The following CLEC2D variants were observed in gnomAD, a reference collection of about 807,000 sequenced individuals.
CLEC2D encodes C-type lectin related f.
CLEC2D carries 16 observed loss-of-function variants against 20.0 expected under a neutral mutation model. The observed-to-expected ratio is 0.80, with a 90% CI of 0.54 to 1.22. The LOEUF (loss-of-function observed/expected upper bound fraction) is 1.22, where lower values mean the gene tolerates loss of function less well. Ranked by LOEUF, CLEC2D falls within the 50% of genes most tolerant of loss-of-function variation. The pLI is 0.00. For synonymous variants in CLEC2D, 77 were observed against 71.1 expected (o/e 1.08, Z -0.42); for missense variants, 207 against 221.5 (o/e 0.93, Z 0.42).
intron 1 of CLEC2D, chr12:9,680,146 A>C (rs1443263534): frequency 4.9e-6 from 1 of 202,898 alleles, no homozygotes; most frequent in Admixed American, 4.8e-5. Context: ...GTGAGTTTTC[A>C]TGATATCTGA....
chr12:9,695,216 AG>A lies in CLEC2D; in HGVS notation c.*347del. On this transcript the variant is annotated 3_prime_UTR_variant, in exon 5 of 5. Transcript: ENST00000290855. ...AGTCATGTCTTATGTGGTGGCAGGC[AG>A]GGGGACTTGTGCACAGGAACTCCTA... 1.6e-6 allele frequency: 1 copy of A among 606,820 alleles called. No homozygotes were observed. Among genetic ancestry groups the A allele is most frequent in the Non-Finnish European group, 2.9e-6 (1 of 339,902 alleles). The allele number at this position is 606,820 out of a possible 1,614,324, so 37.6% of individuals were successfully genotyped here.
intron 1 of CLEC2D, among the ~76,000 whole-genome samples, chr12:9,678,683 A>G (rs1472476109): frequency 6.6e-6 from 1 of 152,072 alleles, no homozygotes; most frequent in Admixed American, 6.6e-5. Context: ...TATTACGGGC[A>G]TGTGCCACAA....
chr12:9,681,863 ATACTT>A (rs1193998029), intron 2 of CLEC2D, among the ~76,000 whole-genome samples: 3 of 152,230 alleles, frequency 2.0e-5, no homozygotes, highest in Non-Finnish European at 4.4e-5. Flanking sequence ...CACAGATAAT[ATACTT>A]TATACATTTA....
At chr12:9,670,552 C>G (rs1865396734) in intron 1 of CLEC2D, among the ~76,000 whole-genome samples, 1 of 152,168 alleles carries the variant, frequency 6.6e-6, no homozygotes, top group Admixed American at 6.5e-5. Context: ...TCGGATAGTT[C>G]CAACATCTCT....
At chr12:9,674,445 A>T (rs1271340909) in intron 1 of CLEC2D, among the ~76,000 whole-genome samples, 1 of 152,172 alleles carries the variant, frequency 6.6e-6, no homozygotes, top group Non-Finnish European at 1.5e-5. Context: ...GCCCAATGAG[A>T]TGAACTTGGT....
At position 9,680,983 on chromosome 12, in the gene CLEC2D, T is replaced by C; in HGVS notation, c.122T>C (p.Leu41Ser). 1 of 1,607,896 alleles carries C rather than the reference T, an allele frequency of 6.2e-7. No homozygotes were observed. The highest frequency in any genetic ancestry group is 8.5e-7 in the Non-Finnish European group (1 of 1,175,130). The stretch of plus-strand genomic sequence containing the variant: ...ACCTTAATTTGGCGCTTATTTTTCT[T>C]AATCATGTTTCTGACAATCATAGTG... ...KATLIWRLFF[L>S]IMFLTIIVCG... The change falls in exon 2 of 5, where the codon TTA (leucine) becomes TCA (serine). Residue 41 changes from leucine (L) to serine (S), a missense_variant. Coordinates refer to ENST00000290855, the MANE Select transcript of CLEC2D (RefSeq NM_013269.6).
intron 2 of CLEC2D, among the ~76,000 whole-genome samples, chr12:9,682,197 T>C (rs765881570): frequency 1.4e-4 from 21 of 152,334 alleles, no homozygotes; most frequent in African/African-American, 4.3e-4. Context: ...TTCTTTCTTT[T>C]TTTAAATGTG....
intron 3 of CLEC2D, among the ~76,000 whole-genome samples, chr12:9,688,764 A>G (rs1591700731): frequency 1.3e-5 from 2 of 152,308 alleles, no homozygotes; most frequent in South Asian, 4.1e-4. Context: ...ATGATGTCAT[A>G]GAGGTTGGTA....
Position 9,695,575 on chromosome 12 carries a change from A to G in CLEC2D, c.*701A>G. ...ACTGCACATTGTTGAAGCAGAGGCC[A>G]TGAATGACGAAGGCAGTCCAATTAA... On this transcript the variant is annotated 3_prime_UTR_variant, in exon 5 of 5. Coordinates refer to ENST00000290855, the MANE Select transcript of CLEC2D (RefSeq NM_013269.6). 1 of 1,475,582 alleles carries G rather than the reference A, an allele frequency of 6.8e-7. No individual in the cohort carries two copies. Among genetic ancestry groups the G allele is most frequent in the Non-Finnish European group, 9.4e-7 (1 of 1,069,466 alleles). 91.4% of individuals were successfully genotyped at this position (1,475,582 alleles called of 1,614,324 possible). A position where few individuals can be genotyped will look rare whatever the true frequency, so the allele number is the denominator to read the frequency against.
intron 4 of CLEC2D, among the ~76,000 whole-genome samples, chr12:9,694,237 TATATC>T (rs1865930661): frequency 6.6e-6 from 1 of 152,162 alleles, no homozygotes; most frequent in Non-Finnish European, 1.5e-5. Context: ...ATTAGCAAAT[TATATC>T]ATAGATGATA....
chr12:9,669,767 T>C lies in CLEC2D; in HGVS notation c.33T>C (p.Ile11=). The C allele has an allele frequency of 6.2e-7, 1 of 1,613,882 alleles. No homozygotes were observed. Reference sequence around the variant, plus strand: ...ACAGTAACAATGTGGAGAAAGACATTACACCATCTGAATTGCCTGCAAACC... The same window carrying C: ...ACAGTAACAATGTGGAGAAAGACATCACACCATCTGAATTGCCTGCAAACC... MHDSNNVEKD[I]TPSELPANPG... The change falls in exon 1 of 5, where the codon ATT becomes ATC. Residue 11 remains isoleucine, a synonymous_variant. Coordinates refer to ENST00000290855, the MANE Select transcript of CLEC2D (RefSeq NM_013269.6).
Position 9,687,985 on chromosome 12 carries a change from T to C in CLEC2D, c.256T>C (p.Cys86Arg), listed in dbSNP as rs762737567. Residue 86 changes from cysteine to arginine, a missense_variant, in exon 3 of 5, where the codon TGT becomes CGT. Cys to Arg is a radical substitution (Grantham distance 180, BLOSUM62 -3). Transcript: ENST00000290855. ...AAGCTGGATTGGTTTTCAAAGAAAG[T>C]GTTTCTATTTTTCTGATGACACCAA... ...PESWIGFQRK[C>R]FYFSDDTKNW... The C allele has an allele frequency of 3.1e-6, 5 of 1,612,708 alleles. No homozygotes were observed.
intron 1 of CLEC2D, among the ~76,000 whole-genome samples, chr12:9,670,294 T>G (rs1419955195): frequency 1.3e-5 from 2 of 152,132 alleles, no homozygotes; most frequent in Non-Finnish European, 2.9e-5. Flanking sequence ...TATATATATA[T>G]AGCTTTATAT....
At chr12:9,693,586 A>T (rs141990518) in intron 4 of CLEC2D, 1 of 201,478 alleles carries the variant, frequency 5.0e-6, no homozygotes, top group African/African-American at 2.4e-5. Context: ...CCCAGACTGG[A>T]CATTGGCAGG....
chr12:9,684,635 T>C (rs1226712005), intron 2 of CLEC2D, among the ~76,000 whole-genome samples: 1 of 152,222 alleles, frequency 6.6e-6, no homozygotes, highest in Non-Finnish European at 1.5e-5. Flanking sequence ...TCTGTTGAGA[T>C]CATCATGTGG....
At chr12:9,693,922 C>T in intron 4 of CLEC2D, 1 of 382,132 alleles carries the variant, frequency 2.6e-6, no homozygotes, top group Non-Finnish European at 5.1e-6. Context: ...CCTCCCATCT[C>T]AGCCTCCTGA....
chr12:9,687,903 A>T lies in CLEC2D; in HGVS notation c.174A>T (p.Ala58=). The T allele has an allele frequency of 6.6e-7, 1 of 1,513,590 alleles. No homozygotes were observed. The highest frequency in any genetic ancestry group is 8.8e-7 in the Non-Finnish European group (1 of 1,130,260). 93.8% of individuals were successfully genotyped at this position (1,513,590 alleles called of 1,614,324 possible). A position where few individuals can be genotyped will look rare whatever the true frequency, so the allele number is the denominator to read the frequency against. ...TATTTATTTTTATTTTATTTTCAGC[A>T]ATAAGAGCTAACTGCCATCAAGAGC... ...IVCGMVAALS[A]IRANCHQEPS... The change falls in exon 3 of 5, where the codon GCA becomes GCT. Residue 58 remains alanine, a splice_region_variant and synonymous_variant. Transcript: ENST00000290855.
chr12:9,695,923 A>T lies in CLEC2D; in HGVS notation c.*1049A>T. On this transcript the variant is annotated 3_prime_UTR_variant, in exon 5 of 5. Transcript: ENST00000290855. ...GGAAGCTGAAGAAAAAGCGCCAGTG[A>T]AGAAATCTATACGAGATACTCCAGC... The T allele has an allele frequency of 7.3e-7, 1 of 1,364,212 alleles. No homozygotes were observed. Among genetic ancestry groups the T allele is most frequent in the South Asian group, 1.2e-5 (1 of 86,256 alleles). 84.5% of individuals were successfully genotyped at this position (1,364,212 alleles called of 1,614,324 possible). A position where few individuals can be genotyped will look rare whatever the true frequency, so the allele number is the denominator to read the frequency against.
intron 3 of CLEC2D, among the ~76,000 whole-genome samples, chr12:9,689,867 TA>T (rs1865826936): frequency 6.6e-6 from 1 of 152,074 alleles, no homozygotes; most frequent in African/African-American, 2.4e-5. Context: ...AAGGAACCTG[TA>T]GGACATCAGC....
Sources: allele counts gnomAD v4.1 joint callset (sites outside exome capture counted in the v4.1 genomes callset), GRCh38; gene constraint gnomAD v4.1.1; transcripts MANE v1.5; gene names NCBI Gene and HGNC (gene_info 2026-07-23, HGNC 2026-07-21).